RPS6KA6: variants seen among roughly 807,000 people sequenced by gnomAD.
RPS6KA6 encodes ribosomal protein S6 kinase alpha-6.
A neutral mutation model predicts 65.4 loss-of-function variants in RPS6KA6; 27 were observed. That is an observed-to-expected ratio of 0.41 (90% confidence interval 0.30 to 0.57). RPS6KA6 has a LOEUF of 0.57. Ranked by LOEUF, RPS6KA6 falls within the 20% of genes least tolerant of loss-of-function variation. The pLI, the probability that RPS6KA6 is intolerant of heterozygous loss-of-function variation, is 0.24. For synonymous variants in RPS6KA6, 190 were observed against 184.2 expected, an observed-to-expected ratio of 1.03 and a Z score of -0.26; for missense variants, 486 against 555.6, an observed-to-expected ratio of 0.87 and a Z score of 1.26.
intron 2 of RPS6KA6, among the ~76,000 whole-genome samples, chrX:84,161,884 T>C (rs2035519462): frequency 1.8e-5 from 2 of 112,049 alleles, no homozygotes; most frequent in Non-Finnish European, 1.9e-5. Flanking sequence ...AATTGCTAAC[T>C]GAATATTCTT....
intron 8 of RPS6KA6, among the ~76,000 whole-genome samples, chrX:84,125,181 T>A (rs1016641396): frequency 3.6e-5 from 4 of 111,752 alleles, no homozygotes. Context: ...AAGAAAAGTA[T>A]GTAATAAGCA....
chrX:84,148,716 T>C (rs965512805), intron 3 of RPS6KA6, among the ~76,000 whole-genome samples: 2 of 111,353 alleles, frequency 1.8e-5, no homozygotes, highest in African/African-American at 3.3e-5. Flanking sequence ...TAATTAAATA[T>C]GCTTTATTGC....
At chrX:84,095,372 A>G (rs766845223) in intron 20 of RPS6KA6, among the ~76,000 whole-genome samples, 1 of 112,127 alleles carries the variant, frequency 8.9e-6, no homozygotes, top group African/African-American at 3.2e-5. Context: ...TTTAAAACTT[A>G]AAATTTAAAA....
At chrX:84,110,354 T>G (rs1470828651) in intron 12 of RPS6KA6, among the ~76,000 whole-genome samples, 1 of 112,209 alleles carries the variant, frequency 8.9e-6, no homozygotes, top group Non-Finnish European at 1.9e-5. Context: ...ATTGGGGTAT[T>G]TGTGTGCAAG....
At chrX:84,141,683 C>T (rs978142623) in intron 6 of RPS6KA6, among the ~76,000 whole-genome samples, 1 of 111,027 alleles carries the variant, frequency 9.0e-6, no homozygotes, top group Admixed American at 9.6e-5. Context: ...AAAAGATATA[C>T]CAAACTAACA....
chrX:84,102,138 C>T lies in RPS6KA6; in HGVS notation c.1675G>A (p.Asp559Asn), dbSNP rs368158027. The change falls in exon 18 of 22, where the codon GAT (aspartate) becomes AAT (asparagine). Residue 559 changes from aspartate (D) to asparagine (N), a missense_variant. Around this residue, in one of 3 missense-constraint regions of RPS6KA6, gnomAD observed 345 missense variants for 375.0 expected, o/e 0.92. Coordinates refer to ENST00000262752, the MANE Select transcript of RPS6KA6 (RefSeq NM_014496.5). ...CCAAAATCACATATCCTGATTGAAT[C>T]TGCACTGGCTGATTCATCCATGTAT... ...ILYMDESASA[D>N]SIRICDFGFA... is the part of the protein sequence containing the mutation. 2.5e-6 allele frequency: 3 copies of T among 1,180,771 alleles called. No individual in the cohort carries two copies. The African/African-American group carries it at 5.3e-5, about 21-fold the overall frequency.
At position 84,075,232 on chromosome X, in the gene RPS6KA6, A is replaced by AAAAC. The variant is rs201423965; in HGVS notation, c.1972-10125_1972-10122dup. Among the ~76,000 whole-genome samples, 392 of 110,965 alleles carry AAAAC rather than the reference A, an allele frequency of 3.5e-3. 1 individual carries two copies. The highest frequency in any genetic ancestry group is 0.01 in the East Asian group (35 of 3,453). ...GGGAGACAGAGCGAGACTCCGTCGC[A>AAAAC]AAACAAACAAACAAACAAACAAACA... On this transcript the variant is annotated intron_variant, in intron 20 of 21. Coordinates refer to ENST00000262752, the MANE Select transcript of RPS6KA6 (RefSeq NM_014496.5).
At chrX:84,093,328 T>G (rs2034086116) in intron 20 of RPS6KA6, among the ~76,000 whole-genome samples, 1 of 111,924 alleles carries the variant, frequency 8.9e-6, no homozygotes, top group Non-Finnish European at 1.9e-5. Flanking sequence ...GTTTAAGAGG[T>G]TATGGGAAAC....
At chrX:84,130,570 A>G (rs2034878422) in intron 8 of RPS6KA6, among the ~76,000 whole-genome samples, 2 of 111,932 alleles carry the variant, frequency 1.8e-5, no homozygotes, top group Non-Finnish European at 3.8e-5. Context: ...CAGTGGCTTT[A>G]TTCATCATTG....
At chrX:84,187,496 G>A (rs969937889) in intron 1 of RPS6KA6, 2 of 214,270 alleles carry the variant, frequency 9.3e-6, no homozygotes, top group Non-Finnish European at 1.7e-5. Flanking sequence ...CGCGGAGTCA[G>A]GCACAGCACC....
intron 8 of RPS6KA6, 80 bp from the exon 9 acceptor site, chrX:84,120,107 T>A (rs920758060): frequency 2.3e-5 from 16 of 704,522 alleles, no homozygotes; most frequent in Non-Finnish European, 3.2e-5. Flanking sequence ...AAATAATGTA[T>A]TAAACATTAC....
intron 6 of RPS6KA6, among the ~76,000 whole-genome samples, chrX:84,141,912 A>C (rs2035111074): frequency 9.0e-6 from 1 of 111,580 alleles, no homozygotes; most frequent in Non-Finnish European, 1.9e-5. Context: ...GAAATATACA[A>C]ATTCATAATT....
chrX:84,187,664 G>T (rs2035944812), intron 1 of RPS6KA6, among the ~76,000 whole-genome samples, 155 bp downstream of exon 1: 2 of 112,061 alleles, frequency 1.8e-5, no homozygotes, highest in South Asian at 3.7e-4. Context: ...ATCCCCGCCC[G>T]CTCCCCAGCG....
chrX:84,160,451 A>G (rs1300805837), intron 2 of RPS6KA6, among the ~76,000 whole-genome samples: 1 of 111,837 alleles, frequency 8.9e-6, no homozygotes, highest in East Asian at 2.8e-4. Context: ...AATTGAAAAG[A>G]GAAAAAGCTG....
rs143409966 is a variant in RPS6KA6 at position 84,106,918 on chromosome X, T to C, written c.1234A>G (p.Ile412Val). Residue 412 changes from isoleucine to valine, a missense_variant, in exon 14 of 22, where the codon ATT becomes GTT. By Grantham distance (29) the Ile-to-Val change is conservative. Coordinates refer to ENST00000262752, the MANE Select transcript of RPS6KA6 (RefSeq NM_014496.5). ...GATTAAGTGGAATTTACCTGAACAA[T>C]TGGTAATACATTTGCACTTGTGATA... ...TPITSANVLPIVQINGNAAQF... is the reference protein window; with the variant it reads ...TPITSANVLPVVQINGNAAQF... The C allele has an allele frequency of 2.0e-5, 24 of 1,176,075 alleles. No individual in the cohort carries two copies. Among genetic ancestry groups the C allele is most frequent in the African/African-American group, 1.8e-4 (10 of 56,490 alleles).
At chrX:84,156,949 T>C (rs2035426605) in intron 2 of RPS6KA6, among the ~76,000 whole-genome samples, 1 of 112,047 alleles carries the variant, frequency 8.9e-6, no homozygotes, top group Admixed American at 9.5e-5. Flanking sequence ...CTTATCCAAC[T>C]CTCTGACTGT....
At chrX:84,083,325 C>T (rs1254669528) in intron 20 of RPS6KA6, among the ~76,000 whole-genome samples, 1 of 112,677 alleles carries the variant, frequency 8.9e-6, no homozygotes, top group Non-Finnish European at 1.9e-5. Context: ...CACAGATTAA[C>T]ACGTCACTTA....
intron 20 of RPS6KA6, among the ~76,000 whole-genome samples, chrX:84,088,932 T>A (rs1430797740): frequency 8.9e-6 from 1 of 111,928 alleles, no homozygotes; most frequent in Non-Finnish European, 1.9e-5. Flanking sequence ...TGCTGGGTTG[T>A]GGGGGACTCT....
intron 6 of RPS6KA6, among the ~76,000 whole-genome samples, chrX:84,141,979 G>T (rs945243533): frequency 4.5e-5 from 5 of 111,288 alleles, no homozygotes; most frequent in African/African-American, 1.6e-4. Context: ...CAGAAAATTA[G>T]AAAGAATATA....
Sources: gnomAD v4.1 joint callset for allele counts (sites outside exome capture counted in the v4.1 genomes callset) on GRCh38, gnomAD v4.1.1 for gene constraint, gnomAD v4.1.1 regional missense constraint, MANE v1.5 for transcripts, NCBI Gene and HGNC (gene_info 2026-07-23, HGNC 2026-07-21) for gene names.